CAMP: variants seen among roughly 807,000 people sequenced by gnomAD.
CAMP encodes the protein cathelicidin antimicrobial peptide.
In CAMP, 10 loss-of-function variants were observed where a neutral mutation model predicts 12.7. That is an observed-to-expected ratio of 0.79 (90% confidence interval 0.49 to 1.34). The LOEUF is 1.34. CAMP is among the 40% of genes most tolerant of loss of function. The pLI is 0.00. For missense variants in CAMP, 205 were observed against 213.0 expected (o/e 0.96, Z 0.23); for synonymous variants, 87 against 85.2 (o/e 1.02, Z -0.12).
At chr3:48,225,255 C>A in intron 3 of CAMP, 38 bp from the exon 4 acceptor site, 1 of 1,608,414 alleles carries the variant, frequency 6.2e-7, no homozygotes, top group South Asian at 1.1e-5. Context: ...GGGTACATCC[C>A]CGACAAGGAA....
In CAMP at chr3:48,225,366, G is replaced by T. The variant is rs760073514; in HGVS notation, c.455G>T (p.Arg152Ile). The change falls in exon 4 of 4, where the codon AGA (arginine) becomes ATA (isoleucine). Residue 152 changes from arginine to isoleucine, a missense_variant. Transcript: ENST00000652295. ...GAGAAGATTGGCAAAGAGTTTAAAAGAATTGTCCAGAGAATCAAGGATTTT... is the reference window on the plus strand; with the variant it reads ...GAGAAGATTGGCAAAGAGTTTAAAATAATTGTCCAGAGAATCAAGGATTTT... ...SKEKIGKEFK[R>I]IVQRIKDFLR... 1.9e-6 allele frequency: 3 copies of T among 1,613,684 alleles called. No homozygotes were observed. Among genetic ancestry groups the T allele is most frequent in the Admixed American group, 1.7e-5 (1 of 59,996 alleles).
rs1188388341 is a variant in CAMP, at chr3:48,223,507, G to A, written c.-5G>A. On this transcript the variant is annotated 5_prime_UTR_variant, in exon 1 of 4. Coordinates refer to ENST00000652295, the MANE Select transcript of CAMP (RefSeq NM_004345.5). Reference sequence around the variant, plus strand: ...GTGGGCTAGAGGGAGGCAGACATGGGGACCATGAAGACCCAAAGGGATGGC... The same window carrying A: ...GTGGGCTAGAGGGAGGCAGACATGGAGACCATGAAGACCCAAAGGGATGGC... 4 of 1,582,040 alleles carry A rather than the reference G, an allele frequency of 2.5e-6. No individual in the cohort carries two copies. Among genetic ancestry groups the A allele is most frequent in the East Asian group, 2.3e-5 (1 of 43,454 alleles).
intron 3 of CAMP, among the ~76,000 whole-genome samples, 175 bp downstream of exon 3, chr3:48,224,849 G>A (rs1208978357): frequency 6.6e-6 from 1 of 152,150 alleles, no homozygotes. Context: ...TAGAGCGGTA[G>A]ATCTCCAAGT....
chr3:48,223,618 A>G lies in CAMP; in HGVS notation c.107A>G (p.Lys36Arg). Reference protein sequence around the residue: ...LAIIAQVLSYKEAVLRAIDGI... With the variant: ...LAIIAQVLSYREAVLRAIDGI... ...ATCATTGCCCAGGTCCTCAGCTACA[A>G]GGAAGCTGTGCTTCGTGCTATAGAT... Residue 36 changes from lysine to arginine, a missense_variant, in exon 1 of 4, where the codon AAG becomes AGG. By Grantham distance (26) the Lys-to-Arg change is conservative (BLOSUM62 2). Transcript: ENST00000652295. The G allele has an allele frequency of 6.2e-7, 1 of 1,614,098 alleles. No individual in the cohort carries two copies. The highest frequency in any genetic ancestry group is 8.5e-7 in the Non-Finnish European group (1 of 1,179,952).
At position 48,225,444 on chromosome 3, in the gene CAMP, C is replaced by T. The variant is rs1559975088; in HGVS notation, c.*20C>T. ...TCCTAGTGTGTGCCCTACCCTGGCT[C>T]AGGCTTCTGGGCTCTGAGAAATAAA... On this transcript the variant is annotated 3_prime_UTR_variant, in exon 4 of 4. Coordinates refer to ENST00000652295, the MANE Select transcript of CAMP (RefSeq NM_004345.5). The T allele has an allele frequency of 1.2e-6, 2 of 1,604,838 alleles. No homozygotes were observed. Among genetic ancestry groups the T allele is most frequent in the Non-Finnish European group, 1.7e-6 (2 of 1,173,214 alleles).
rs560486798 is a variant in CAMP at position 48,225,325 on chromosome 3, C to A, written c.414C>A (p.Phe138Leu). ...AGAGATTTGCCCTGCTGGGTGATTT[C>A]TTCCGGAAATCTAAAGAGAAGATTG... is the stretch of plus-strand genomic sequence containing the variant. ...DNKRFALLGD[F>L]FRKSKEKIGK... The change falls in exon 4 of 4, where the codon TTC becomes TTA. Residue 138 changes from phenylalanine to leucine, a missense_variant. By Grantham distance (22) the Phe-to-Leu change is conservative. Transcript: ENST00000652295. 1 of 1,613,636 alleles carries A rather than the reference C, an allele frequency of 6.2e-7. No individual in the cohort carries two copies. Among genetic ancestry groups the A allele is most frequent in the South Asian group, 1.1e-5 (1 of 91,060 alleles).
chr3:48,225,179 C>G lies in CAMP; in HGVS notation c.382-114C>G, dbSNP rs2033489348. The G allele has an allele frequency of 3.9e-6, 4 of 1,027,150 alleles. No individual in the cohort carries two copies. The East Asian group carries it at 7.4e-5, about 19-fold the overall frequency. 63.6% of individuals were successfully genotyped at this position (1,027,150 alleles called of 1,614,324 possible). A position where few individuals can be genotyped will look rare whatever the true frequency, so the allele number is the denominator to read the frequency against. ...TCACAGCCAGAGGTTGAACTGGGGC[C>G]CCAAAGCTCCTGCGGGGGCCCACGA... On this transcript the variant is annotated intron_variant, in intron 3 of 3. Transcript: ENST00000652295.
chr3:48,224,717 G>C, intron 3 of CAMP, 43 bp downstream of exon 3: 2 of 1,410,522 alleles, frequency 1.4e-6, no homozygotes, highest in Non-Finnish European at 2.0e-6. Context: ...TGGGGGCATA[G>C]AGTGTGGACC....
chr3:48,224,776 C>A, intron 3 of CAMP, 102 bp downstream of exon 3: 1 of 922,268 alleles, frequency 1.1e-6, no homozygotes, highest in Admixed American at 1.9e-5. Flanking sequence ...AGAGAAAGCC[C>A]CTCCTACCCA....
At chr3:48,224,305 C>G (rs756456018) in intron 1 of CAMP, 49 bp from the exon 2 acceptor site, 3 of 1,319,730 alleles carry the variant, frequency 2.3e-6, no homozygotes, top group Non-Finnish European at 3.3e-6. Context: ...GTCATGGACA[C>G]AAATCAGAAA....
At position 48,223,556 on chromosome 3, in the gene CAMP, G is replaced by A. The variant is rs1255476785; in HGVS notation, c.45G>A (p.Leu15=). Residue 15 remains leucine (L), a synonymous_variant, in exon 1 of 4, where the codon CTG becomes CTA. Transcript: ENST00000652295. ...RDGHSLGRWS[L]VLLLLGLVMP... The stretch of plus-strand genomic sequence containing the variant: ...GCCACTCCCTGGGGCGGTGGTCACT[G>A]GTGCTCCTGCTGCTGGGCCTGGTGA... 2 of 1,611,124 alleles carry A rather than the reference G, an allele frequency of 1.2e-6. No individual in the cohort carries two copies. The highest frequency in any genetic ancestry group is 8.5e-7 in the Non-Finnish European group (1 of 1,178,868).
intron 2 of CAMP, 68 bp downstream of exon 2, chr3:48,224,529 T>C: frequency 6.5e-7 from 1 of 1,535,090 alleles, no homozygotes. Flanking sequence ...ACCTGGGGAA[T>C]ATTTCCCACT....
chr3:48,224,221 C>G, intron 1 of CAMP, 133 bp from the exon 2 acceptor site: 2 of 659,394 alleles, frequency 3.0e-6, no homozygotes, highest in Non-Finnish European at 5.5e-6. Context: ...CCCTCAATGC[C>G]CCAGTGCCAA....
Position 48,224,285 on chromosome 3 carries a change from T to C in CAMP, c.202-69T>C, listed in dbSNP as rs143161677. The C allele has an allele frequency of 1.0e-3, 1,076 of 1,037,746 alleles. 10 individuals are homozygous for C. In the African/African-American group the frequency reaches 0.015, roughly 14 times the overall value. 64.3% of individuals were successfully genotyped at this position (1,037,746 alleles called of 1,614,324 possible). ...AGGTACTGTGGAAAGCCTGCCCTCT[T>C]GGTGGGGAGGTCATGGACACAAATC... On this transcript the variant is annotated intron_variant, in intron 1 of 3. Coordinates refer to ENST00000652295, the MANE Select transcript of CAMP (RefSeq NM_004345.5).
rs2033478720 is a variant in CAMP at position 48,224,586 on chromosome 3, G to C, written c.310-17G>C. On this transcript the variant is annotated splice_polypyrimidine_tract_variant and intron_variant, in intron 2 of 3. Coordinates refer to ENST00000652295, the MANE Select transcript of CAMP (RefSeq NM_004345.5). Reference sequence around the variant, plus strand: ...GGCAAATGGTTTCAAGTTTGACCTTGAGCTTCTCCTTTCCAGCTGGTGAAG... The same window carrying C: ...GGCAAATGGTTTCAAGTTTGACCTTCAGCTTCTCCTTTCCAGCTGGTGAAG... 2.5e-6 allele frequency: 4 copies of C among 1,609,428 alleles called. No individual in the cohort carries two copies. In the East Asian group the frequency reaches 8.9e-5, roughly 36 times the overall value.
At chr3:48,223,961 A>T (rs956966481) in intron 1 of CAMP, among the ~76,000 whole-genome samples, 1 of 152,062 alleles carries the variant, frequency 6.6e-6, no homozygotes, top group African/African-American at 2.4e-5. Context: ...AGCTCCAGGC[A>T]CTAGAATGGG....
At chr3:48,223,908 G>A (rs2033460650) in intron 1 of CAMP, among the ~76,000 whole-genome samples, 196 bp downstream of exon 1, 1 of 152,134 alleles carries the variant, frequency 6.6e-6, no homozygotes, top group Non-Finnish European at 1.5e-5. Context: ...CTGTGGCAGA[G>A]ATACCCTCAC....
At chr3:48,225,211 G>T (rs2033489930) in intron 3 of CAMP, 82 bp from the exon 4 acceptor site, 1 of 1,428,748 alleles carries the variant, frequency 7.0e-7, no homozygotes, top group Admixed American at 1.7e-5. Context: ...ACGAAGAGGG[G>T]CGTCTAGGTG....
chr3:48,223,707 A>T lies in CAMP; in HGVS notation c.196A>T (p.Thr66Ser), dbSNP rs778174612. Reference sequence around the variant, plus strand: ...CCTCCTGGACCTGGACCCCAGGCCCACGATGGTGAGCTTTGGGGGACATTC... The same window carrying T: ...CCTCCTGGACCTGGACCCCAGGCCCTCGATGGTGAGCTTTGGGGGACATTC... ...YRLLDLDPRP[T>S]MDGDPDTPKP... Residue 66 changes from threonine to serine, a missense_variant, in exon 1 of 4, where the codon ACG (threonine) becomes TCG (serine). Transcript: ENST00000652295. 14 of 1,613,392 alleles carry T rather than the reference A, an allele frequency of 8.7e-6. No homozygotes were observed. In the South Asian group the frequency reaches 1.5e-4, roughly 18 times the overall value.
Sources: allele counts gnomAD v4.1 joint callset (sites outside exome capture counted in the v4.1 genomes callset), GRCh38; gene constraint gnomAD v4.1.1; transcripts MANE v1.5; gene names NCBI Gene and HGNC (gene_info 2026-07-23, HGNC 2026-07-21).